CRAMP1: variants seen among roughly 807,000 people sequenced by gnomAD.
CRAMP1 encodes protein cramped-like.
In CRAMP1, 50 loss-of-function variants were observed where a neutral mutation model predicts 115.4. That is an observed-to-expected ratio of 0.43 (90% CI 0.35 to 0.55). The LOEUF (loss-of-function observed/expected upper bound fraction) is 0.55. Ranked by LOEUF, CRAMP1 falls within the 20% of genes least tolerant of loss-of-function variation. The pLI, the probability that CRAMP1 is intolerant of heterozygous loss-of-function variation, is 0.01. For synonymous variants in CRAMP1, 866 were observed against 745.4 expected, an observed-to-expected ratio of 1.16 and a Z score of -2.64; for missense variants, 1,679 against 1,721.7, an observed-to-expected ratio of 0.98 and a Z score of 0.44.
At position 1,675,437 on chromosome 16, in the gene CRAMP1, C is replaced by T. The variant is rs1280990096; in HGVS notation, c.*1392C>T. Reference sequence around the variant, plus strand: ...TTGTGCTTTCCTAACCCCCTTGGACCTACTCTCCCTCCTCCCCACCATTCC... The same window carrying T: ...TTGTGCTTTCCTAACCCCCTTGGACTTACTCTCCCTCCTCCCCACCATTCC... On this transcript the variant is annotated 3_prime_UTR_variant, in exon 21 of 21. Coordinates refer to ENST00000397412, the MANE Select transcript of CRAMP1 (RefSeq NM_020825.4). 2 of 152,530 alleles carry T rather than the reference C, an allele frequency of 1.3e-5. No homozygotes were observed. The allele number at this position is 152,530 out of a possible 1,614,324, so 9.4% of individuals were successfully genotyped here. A position where few individuals can be genotyped will look rare whatever the true frequency, so the allele number is the denominator to read the frequency against.
chr16:1,627,136 G>A (rs1259954508), intron 3 of CRAMP1, among the ~76,000 whole-genome samples: 1 of 152,042 alleles, frequency 6.6e-6, no homozygotes, highest in Non-Finnish European at 1.5e-5. Context: ...GTTCGTGATC[G>A]GTGAGCCTTG....
intron 11 of CRAMP1, among the ~76,000 whole-genome samples, chr16:1,661,084 C>T (rs1033681041): frequency 2.6e-5 from 4 of 152,110 alleles, no homozygotes; most frequent in African/African-American, 9.7e-5. Context: ...AATCCCAGCA[C>T]CTTGGGAAAC....
intron 18 of CRAMP1, 78 bp from the exon 19 acceptor site, chr16:1,668,923 C>T (rs141933459): frequency 0.012 from 16,635 of 1,423,356 alleles, 109 homozygotes; most frequent in Non-Finnish European, 0.014. Flanking sequence ...GCTGCCTTCT[C>T]CGTGGTGGGC....
Position 1,655,919 on chromosome 16 carries a change from G to T in CRAMP1, c.1162G>T (p.Ala388Ser). Residue 388 changes from alanine (A) to serine (S), a missense_variant, in exon 10 of 21, where the codon GCA (alanine) becomes TCA (serine). Physicochemically the swap from Ala to Ser is moderately conservative, Grantham distance 99. Around this residue, in one of 8 missense-constraint regions of CRAMP1, gnomAD observed 191 missense variants for 236.2 expected, o/e 0.81. Transcript: ENST00000397412. Reference sequence around the variant, plus strand: ...GCGGCAGCTGCAGGACTCATGCTCCGCACCGATGCAGGAGAAGGTGACACT... The same window carrying T: ...GCGGCAGCTGCAGGACTCATGCTCCTCACCGATGCAGGAGAAGGTGACACT... ...EERQLQDSCSAPMQEKVTLHL... is the reference protein window; with the variant it reads ...EERQLQDSCSSPMQEKVTLHL... The T allele has an allele frequency of 6.2e-7, 1 of 1,612,912 alleles. No homozygotes were observed. Among genetic ancestry groups the T allele is most frequent in the Non-Finnish European group, 8.5e-7 (1 of 1,179,712 alleles).
chr16:1,672,416 C>T lies in CRAMP1; in HGVS notation c.3646-1465C>T, dbSNP rs2142211331. Reference sequence around the variant, plus strand: ...GGTCCTCGTCATCTGGAAGGATGGGCTGAGGCATTTGTGGATGAAAGGGTC... The same window carrying T: ...GGTCCTCGTCATCTGGAAGGATGGGTTGAGGCATTTGTGGATGAAAGGGTC... On this transcript the variant is annotated intron_variant, in intron 20 of 20. Transcript: ENST00000397412. The surrounding 1 kb of genome is among the most constrained non-coding windows in gnomAD (Gnocchi z 4.9). 6.6e-6 allele frequency among the ~76,000 whole-genome samples: 1 copy of T among 151,062 alleles called. No individual in the cohort carries two copies. Among genetic ancestry groups the T allele is most frequent in the Admixed American group, 6.6e-5 (1 of 15,162 alleles).
At chr16:1,628,677 G>A (rs2036525556) in intron 3 of CRAMP1, among the ~76,000 whole-genome samples, 1 of 152,220 alleles carries the variant, frequency 6.6e-6, no homozygotes, top group Non-Finnish European at 1.5e-5. Context: ...GTGGGGTGAC[G>A]GTGACTGGGC....
At chr16:1,654,890 C>T (rs1158779094) in intron 8 of CRAMP1, among the ~76,000 whole-genome samples, 1 of 152,264 alleles carries the variant, frequency 6.6e-6, no homozygotes, top group Non-Finnish European at 1.5e-5. Flanking sequence ...CCCGCCCGCC[C>T]TTGAAGCCAG....
chr16:1,664,427 T>C (rs2036857177), intron 13 of CRAMP1, among the ~76,000 whole-genome samples: 1 of 152,210 alleles, frequency 6.6e-6, no homozygotes, highest in African/African-American at 2.4e-5. Flanking sequence ...CCAGTGGTTA[T>C]AAACAGGTTT....
chr16:1,629,298 G>C (rs1318893814), intron 3 of CRAMP1, among the ~76,000 whole-genome samples: 1 of 152,198 alleles, frequency 6.6e-6, no homozygotes, highest in Non-Finnish European at 1.5e-5. Flanking sequence ...AGGCAGCCGG[G>C]GGCATCCTCA....
Position 1,662,797 on chromosome 16 carries a change from C to T in CRAMP1, c.2632C>T (p.Leu878=), listed in dbSNP as rs1408554461. ...SDFFLPKPRK[L]RNRHLRKPLV... is the part of the protein sequence containing the mutation. ...TTTCTTCCTGCCAAAGCCCCGGAAG[C>T]TGCGGAACCGGCACCTGCGGAAGCC... Residue 878 remains leucine (L), a synonymous_variant, in exon 13 of 21, where the codon CTG becomes TTG. Transcript: ENST00000397412. 6.2e-7 allele frequency: 1 copy of T among 1,613,954 alleles called. No individual in the cohort carries two copies. The highest frequency in any genetic ancestry group is 8.5e-7 in the Non-Finnish European group (1 of 1,179,904).
chr16:1,656,214 C>T lies in CRAMP1; in HGVS notation c.1457C>T (p.Ser486Phe), dbSNP rs756347466. Residue 486 changes from serine to phenylalanine, a missense_variant, in exon 10 of 21, where the codon TCC (serine) becomes TTC (phenylalanine). Physicochemically the swap from Ser to Phe is radical, Grantham distance 155. Transcript: ENST00000397412. This position sits in a 1 kb window ranked among gnomAD's most constrained non-coding sequence, Gnocchi z 5.6. ...PPPAADALQS[S>F]GESSPESAPG... ...CCTGCGGCTGACGCCTTGCAGAGCT[C>T]CGGAGAGAGTTCCCCCGAAAGCGCC... is the stretch of plus-strand genomic sequence containing the variant. 24 of 1,606,352 alleles carry T rather than the reference C, an allele frequency of 1.5e-5. No individual in the cohort carries two copies. Among genetic ancestry groups the T allele is most frequent in the Non-Finnish European group, 1.8e-5 (21 of 1,177,976 alleles).
chr16:1,631,402 G>A (rs1266628921), intron 3 of CRAMP1, among the ~76,000 whole-genome samples: 2 of 152,328 alleles, frequency 1.3e-5, no homozygotes, highest in Middle Eastern at 3.4e-3. Flanking sequence ...TGCTGGTGCC[G>A]TCAGGCATTC....
rs1567458530 is a variant in CRAMP1 at position 1,656,720 on chromosome 16, C to G, written c.1963C>G (p.Gln655Glu). 1.3e-6 allele frequency: 2 copies of G among 1,552,942 alleles called. No individual in the cohort carries two copies. Among genetic ancestry groups the G allele is most frequent in the East Asian group, 4.9e-5 (2 of 41,060 alleles). The change falls in exon 10 of 21, where the codon CAG (glutamine) becomes GAG (glutamate). Residue 655 changes from glutamine (Q) to glutamate (E), a missense_variant. Transcript: ENST00000397412. The surrounding 1 kb of genome is among the most constrained non-coding windows in gnomAD (Gnocchi z 5.6). ...CGCGGGGCCTCCGCCGTCTCAGGGA[C>G]AGCCTGCCGCCAGGCCCCCGAAGGA... ...SPAGPPPSQGQPAARPPKEVP... is the reference protein window; with the variant it reads ...SPAGPPPSQGEPAARPPKEVP...
chr16:1,652,229 A>G (rs1313538908), intron 6 of CRAMP1, among the ~76,000 whole-genome samples: 1 of 152,232 alleles, frequency 6.6e-6, no homozygotes, highest in African/African-American at 2.4e-5. Context: ...CAGGCCAGTC[A>G]CCAAGGCAGG....
intron 10 of CRAMP1, among the ~76,000 whole-genome samples, chr16:1,659,064 A>T (rs1449232534): frequency 6.6e-6 from 1 of 152,164 alleles, no homozygotes; most frequent in East Asian, 1.9e-4. Flanking sequence ...GTGGGCCTGC[A>T]CAACCCCCAA....
At chr16:1,636,301 G>A (rs2142181816) in intron 4 of CRAMP1, among the ~76,000 whole-genome samples, 1 of 152,162 alleles carries the variant, frequency 6.6e-6, no homozygotes, top group Non-Finnish European at 1.5e-5. Context: ...AACCTGGGAG[G>A]CGGAGGTTGC....
At chr16:1,641,325 C>T (rs1186936160) in intron 6 of CRAMP1, 138 bp downstream of exon 6, 1 of 677,520 alleles carries the variant, frequency 1.5e-6, no homozygotes, top group Non-Finnish European at 2.6e-6. Flanking sequence ...TGTTCAGTCC[C>T]AACAAAAGGT....
chr16:1,614,611 C>G lies in CRAMP1; in HGVS notation c.-1-28C>G. 8.2e-7 allele frequency: 1 copy of G among 1,216,946 alleles called. No homozygotes were observed. The highest frequency in any genetic ancestry group is 4.3e-5 in the Admixed American group (1 of 23,198). 75.4% of individuals were successfully genotyped at this position (1,216,946 alleles called of 1,614,324 possible). A position where few individuals can be genotyped will look rare whatever the true frequency, so the allele number is the denominator to read the frequency against. On this transcript the variant is annotated intron_variant, in intron 1 of 20. Coordinates refer to ENST00000397412, the MANE Select transcript of CRAMP1 (RefSeq NM_020825.4). The surrounding 1 kb of genome is among the most constrained non-coding windows in gnomAD (Gnocchi z 4.4). ...AACTTCCCGGCCTGCGCCCGCCTCA[C>G]CGGCCGCCTCCCCTCTCCCGGCCGC...
intron 18 of CRAMP1, 71 bp downstream of exon 18, chr16:1,668,264 C>CTTCCTGGGGCA: frequency 8.9e-7 from 1 of 1,120,426 alleles, no homozygotes; most frequent in South Asian, 1.3e-5. Flanking sequence ...GTTTGCCACA[C>CTTCCTGGGGCA]TTCCTGGGGA....
Sources: allele counts gnomAD v4.1 joint callset (sites outside exome capture counted in the v4.1 genomes callset), GRCh38; gene constraint gnomAD v4.1.1; regional missense constraint gnomAD v4.1.1; non-coding constraint Gnocchi (gnomAD v3.1); transcripts MANE v1.5; gene names NCBI Gene and HGNC (gene_info 2026-07-23, HGNC 2026-07-21).